The following STARD13 variants were observed in gnomAD, a reference collection of about 807,000 sequenced individuals.
The protein encoded by STARD13 is stAR-related lipid transfer protein 13.
STARD13 carries 62 observed loss-of-function variants against 106.4 expected under a neutral mutation model. That is an observed-to-expected ratio of 0.58 (90% CI 0.48 to 0.72). STARD13 has a LOEUF of 0.72. Among genes scored for constraint, STARD13 ranks in the 30% least tolerant of loss-of-function variants. The pLI is 0.00. For missense variants in STARD13, 1,387 were observed against 1,424.0 expected (o/e 0.97, Z 0.42); for synonymous variants, 565 against 553.0 (o/e 1.02, Z -0.31).
the STARD13 span, among the ~76,000 whole-genome samples, chr13:33,444,823 T>C: frequency 6.6e-6 from 1 of 152,178 alleles, no homozygotes; most frequent in Admixed American, 6.6e-5. Context: ...TTGCCTCATT[T>C]GCTGAGATCC....
intron 7 of STARD13, among the ~76,000 whole-genome samples, chr13:33,120,058 CTGTGCTG>C (rs1367532665): frequency 1.3e-5 from 2 of 152,224 alleles, no homozygotes; most frequent in African/African-American, 4.8e-5. Flanking sequence ...ACAGGGCTGG[CTGTGCTG>C]TACGAGAGTT....
the STARD13 span, among the ~76,000 whole-genome samples, chr13:33,416,581 A>G: frequency 6.6e-6 from 1 of 152,218 alleles, no homozygotes; most frequent in Non-Finnish European, 1.5e-5. Context: ...TTTCAACAAG[A>G]GTGTCATTTC....
In STARD13 at chr13:33,110,846, G is replaced by A. The variant is rs139846642; in HGVS notation, c.2669C>T (p.Pro890Leu). 5.0e-6 allele frequency: 8 copies of A among 1,613,922 alleles called. No individual in the cohort carries two copies. The African/African-American group carries it at 1.1e-4, about 22-fold the overall frequency. ...NSYVEAEIHV[P>L]TLEELGTQLE... ...CTGTGTCCCCAATTCTTCCAGGGTT[G>A]GCACGTGGATCTCAGCCTCCACATA... is the stretch of plus-strand genomic sequence containing the variant. Residue 890 changes from proline (P) to leucine (L), a missense_variant, in exon 11 of 14, where the codon CCA (proline) becomes CTA (leucine). Transcript: ENST00000336934.
intron 3 of STARD13, among the ~76,000 whole-genome samples, chr13:33,145,230 C>T (rs959131187): frequency 2.0e-5 from 3 of 152,176 alleles, no homozygotes; most frequent in Non-Finnish European, 4.4e-5. Flanking sequence ...CAAACAGATA[C>T]TTCTAAGAGA....
chr13:33,418,462 G>A, the STARD13 span, among the ~76,000 whole-genome samples: 4 of 152,238 alleles, frequency 2.6e-5, no homozygotes, highest in Non-Finnish European at 2.9e-5. Context: ...GGAGCCCACC[G>A]CAGCTCAGCA....
At chr13:33,557,524 A>G in the STARD13 span, among the ~76,000 whole-genome samples, 1 of 152,226 alleles carries the variant, frequency 6.6e-6, no homozygotes, top group Admixed American at 6.5e-5. Flanking sequence ...TACATTCTTC[A>G]TAAGATTTAG....
chr13:33,641,883 TGA>T, the STARD13 span, among the ~76,000 whole-genome samples: 1 of 152,184 alleles, frequency 6.6e-6, no homozygotes, highest in Admixed American at 6.5e-5. Flanking sequence ...AACAGGATTG[TGA>T]TATTTTTGTC....
At chr13:33,641,978 A>G in the STARD13 span, among the ~76,000 whole-genome samples, 11 of 152,360 alleles carry the variant, frequency 7.2e-5, no homozygotes, top group African/African-American at 2.6e-4. Flanking sequence ...AGATACAACT[A>G]TTATCTACCA....
chr13:33,292,582 C>T (rs572098922), intron 1 of STARD13, among the ~76,000 whole-genome samples: 41 of 147,400 alleles, frequency 2.8e-4, no homozygotes, highest in African/African-American at 1.0e-3. Context: ...GCCTGGGCAA[C>T]AGAGCAAGAC....
chr13:33,146,489 A>C (rs955738469), intron 3 of STARD13, among the ~76,000 whole-genome samples: 3 of 152,226 alleles, frequency 2.0e-5, no homozygotes, highest in Non-Finnish European at 2.9e-5. Flanking sequence ...GTAGCTGAAA[A>C]AATAAAGTTT....
the STARD13 span, among the ~76,000 whole-genome samples, chr13:33,506,706 G>A: frequency 1.3e-4 from 20 of 152,160 alleles, no homozygotes; most frequent in Non-Finnish European, 8.8e-5. Context: ...AATGTAAAAA[G>A]ATATGAAAAG....
intron 1 of STARD13, among the ~76,000 whole-genome samples, chr13:33,326,123 T>C (rs2077773457): frequency 2.0e-5 from 3 of 151,752 alleles, no homozygotes; most frequent in Admixed American, 2.0e-4. Flanking sequence ...TGCACTTCAG[T>C]GGAGTTAAAA....
At chr13:33,654,429 G>C in the STARD13 span, among the ~76,000 whole-genome samples, 1 of 152,042 alleles carries the variant, frequency 6.6e-6, no homozygotes, top group Non-Finnish European at 1.5e-5. Flanking sequence ...AATCTATAGA[G>C]ACAGAAAGTA....
chr13:33,110,962 C>T lies in STARD13; in HGVS notation c.2608-55G>A, dbSNP rs1409363715. The T allele has an allele frequency of 4.6e-6, 7 of 1,516,028 alleles. No individual in the cohort carries two copies. The Admixed American group carries it at 1.2e-4, about 26-fold the overall frequency. 93.9% of individuals were successfully genotyped at this position (1,516,028 alleles called of 1,614,324 possible). ...ACACTGAGCCAAAGAAACGCCGAGACTCAAAGAAAGCAAAGCCATTTCACC... is the reference window on the plus strand; with the variant it reads ...ACACTGAGCCAAAGAAACGCCGAGATTCAAAGAAAGCAAAGCCATTTCACC... On this transcript the variant is annotated intron_variant, in intron 10 of 13. Transcript: ENST00000336934.
the STARD13 span, among the ~76,000 whole-genome samples, chr13:33,493,462 T>A: frequency 6.6e-6 from 1 of 152,198 alleles, no homozygotes; most frequent in Admixed American, 6.5e-5. Flanking sequence ...TAATGTATCA[T>A]ACTGATTCGT....
chr13:33,642,395 G>A, the STARD13 span, among the ~76,000 whole-genome samples: 1 of 152,220 alleles, frequency 6.6e-6, no homozygotes, highest in South Asian at 2.1e-4. Flanking sequence ...GCAAAAGTTG[G>A]TGGGCCTGGA....
At chr13:33,649,021 C>T in the STARD13 span, among the ~76,000 whole-genome samples, 20 of 151,820 alleles carry the variant, frequency 1.3e-4, no homozygotes, top group African/African-American at 3.1e-4. Flanking sequence ...CTTGAACTCC[C>T]GACCTGAGGT....
At chr13:33,263,080 C>T (rs1231568599) in intron 1 of STARD13, among the ~76,000 whole-genome samples, 2 of 152,166 alleles carry the variant, frequency 1.3e-5, no homozygotes, top group Non-Finnish European at 2.9e-5. Context: ...CTCTGAACCC[C>T]AGTTTCCTCA....
In STARD13 at chr13:33,339,635, C is replaced by T. The variant is rs555827685; in HGVS notation, c.124+10655G>A. Reference sequence around the variant, plus strand: ...TTAGATCTAAGAGCTAGAAATCAAACACTTAGCACAAAGCCTCTCTTCTTT... The same window carrying T: ...TTAGATCTAAGAGCTAGAAATCAAATACTTAGCACAAAGCCTCTCTTCTTT... On this transcript the variant is annotated intron_variant, in intron 1 of 5. Transcript: ENST00000567873. Among the ~76,000 whole-genome samples, 3 of 152,326 alleles carry T rather than the reference C, an allele frequency of 2.0e-5. No individual in the cohort carries two copies. In the East Asian group the frequency reaches 5.8e-4, roughly 29 times the overall value.
Sources: allele counts gnomAD v4.1 joint callset (sites outside exome capture counted in the v4.1 genomes callset), GRCh38; gene constraint gnomAD v4.1.1; transcripts MANE v1.5; gene names NCBI Gene and HGNC (gene_info 2026-07-23, HGNC 2026-07-21).